The following LRRC4C variants were observed in gnomAD, a reference collection of about 807,000 sequenced individuals.
LRRC4C encodes the protein leucine rich repeat containing 4C.
LRRC4C carries 5 observed loss-of-function variants against 33.6 expected under a neutral mutation model. The ratio of observed to expected loss-of-function variants is 0.15; its 90% CI spans 0.08 to 0.31. The LOEUF is 0.31. Ranked by LOEUF, LRRC4C falls within the 10% of genes least tolerant of loss-of-function variation. LRRC4C has a pLI of 1.00. For missense variants in LRRC4C, 560 were observed against 796.7 expected (o/e 0.70, Z 3.58); for synonymous variants, 329 against 302.0 (o/e 1.09, Z -0.93).
At chr11:40,124,599 A>G (rs1856067616) in intron 6 of LRRC4C, among the ~76,000 whole-genome samples, 2 of 152,198 alleles carry the variant, frequency 1.3e-5, no homozygotes, top group South Asian at 4.1e-4. Context: ...GTGAGAGCTA[A>G]AAAGTAAAAC....
chr11:40,449,962 C>T (rs545853938), intron 3 of LRRC4C, among the ~76,000 whole-genome samples: 2 of 152,126 alleles, frequency 1.3e-5, no homozygotes, highest in East Asian at 3.9e-4. Context: ...TTGGCAATTA[C>T]GTTGGGTGTT....
chr11:40,505,781 C>G (rs1000559918), intron 3 of LRRC4C, among the ~76,000 whole-genome samples: 1 of 152,080 alleles, frequency 6.6e-6, no homozygotes, highest in Admixed American at 6.6e-5. Context: ...AATGGGAGCT[C>G]GAAGCCCAAT....
chr11:40,763,980 G>T (rs1261285842), intron 2 of LRRC4C, among the ~76,000 whole-genome samples: 1 of 152,150 alleles, frequency 6.6e-6, no homozygotes, highest in Non-Finnish European at 1.5e-5. Context: ...ACAAGCTGGG[G>T]TAGGAAAGGG....
At chr11:40,268,374 C>T (rs1279721465) in intron 4 of LRRC4C, among the ~76,000 whole-genome samples, 2 of 152,084 alleles carry the variant, frequency 1.3e-5, no homozygotes, top group East Asian at 3.9e-4. Context: ...TTGAAAAAAC[C>T]ATGATGCTTC....
chr11:40,372,607 G>T (rs1948497162), intron 3 of LRRC4C, among the ~76,000 whole-genome samples: 1 of 152,178 alleles, frequency 6.6e-6, no homozygotes, highest in Non-Finnish European at 1.5e-5. Context: ...GGCATATTTG[G>T]TGGGGAGGGG....
intron 3 of LRRC4C, among the ~76,000 whole-genome samples, chr11:40,326,306 G>A (rs1182099883): frequency 2.6e-5 from 4 of 152,092 alleles, no homozygotes; most frequent in Admixed American, 6.5e-5. Context: ...GCTCATGCCT[G>A]TAATCCCAGC....
intron 3 of LRRC4C, among the ~76,000 whole-genome samples, chr11:40,357,427 A>C (rs938536868): frequency 6.6e-6 from 1 of 152,110 alleles, no homozygotes; most frequent in Admixed American, 6.6e-5. Context: ...GAGAAAAAAG[A>C]ATTAATTGGT....
intron 2 of LRRC4C, among the ~76,000 whole-genome samples, chr11:40,666,072 A>C (rs145520532): frequency 1.0e-3 from 158 of 152,194 alleles, no homozygotes; most frequent in Non-Finnish European, 1.8e-3. Flanking sequence ...AATGGTAAAC[A>C]ATTAGATGCC....
intron 1 of LRRC4C, among the ~76,000 whole-genome samples, chr11:41,347,547 G>T (rs776065780): frequency 6.6e-6 from 1 of 152,068 alleles, no homozygotes; most frequent in Non-Finnish European, 1.5e-5. Flanking sequence ...AAATTTCAGA[G>T]AACTTTGTAG....
chr11:40,728,625 CAAAA>C (rs60355454), intron 2 of LRRC4C, among the ~76,000 whole-genome samples: 7 of 51,244 alleles, frequency 1.4e-4, no homozygotes, highest in Non-Finnish European at 2.2e-4. Flanking sequence ...GACTCCGTCT[CAAAA>C]AAAAAAAAAA....
rs555931825 is a variant in LRRC4C at position 40,474,365 on chromosome 11, A to T, written c.-269-154644T>A. Among the ~76,000 whole-genome samples, 6 of 152,292 alleles carry T rather than the reference A, an allele frequency of 3.9e-5. No individual in the cohort carries two copies. The East Asian group carries it at 1.2e-3, about 29-fold the overall frequency. ...CCTATTTAATAAATGGTGCTGGGAAAACTGGCTAGCCATATGCAGAAAACT... is the reference window on the plus strand; with the variant it reads ...CCTATTTAATAAATGGTGCTGGGAATACTGGCTAGCCATATGCAGAAAACT... On this transcript the variant is annotated intron_variant, in intron 3 of 6. Transcript: ENST00000528697.
At chr11:40,423,320 G>T (rs2137765106) in intron 3 of LRRC4C, among the ~76,000 whole-genome samples, 1 of 150,548 alleles carries the variant, frequency 6.6e-6, no homozygotes, top group African/African-American at 2.4e-5. Context: ...ATGTGAAAAG[G>T]AAGTCAGTTG....
chr11:40,885,704 T>A (rs888893289), intron 2 of LRRC4C, among the ~76,000 whole-genome samples: 1 of 152,102 alleles, frequency 6.6e-6, no homozygotes, highest in African/African-American at 2.4e-5. Context: ...TTGGAGTACA[T>A]ACACTCACCA....
chr11:41,411,946 C>T (rs1267731018), intron 1 of LRRC4C, among the ~76,000 whole-genome samples: 1 of 152,150 alleles, frequency 6.6e-6, no homozygotes, highest in Non-Finnish European at 1.5e-5. Flanking sequence ...CCACCCAAGA[C>T]ACTGAACTGG....
At chr11:41,059,915 C>T (rs1160993860) in intron 1 of LRRC4C, among the ~76,000 whole-genome samples, 4 of 152,106 alleles carry the variant, frequency 2.6e-5, no homozygotes, top group Non-Finnish European at 5.9e-5. Flanking sequence ...ATTCCAGCTA[C>T]TCGGGGGTCT....
intron 1 of LRRC4C, among the ~76,000 whole-genome samples, chr11:41,056,239 C>T (rs1858614929): frequency 1.3e-5 from 2 of 152,096 alleles, no homozygotes; most frequent in African/African-American, 4.8e-5. Context: ...TGACTCCAGC[C>T]CTCACAATCC....
intron 3 of LRRC4C, among the ~76,000 whole-genome samples, chr11:40,603,555 A>G (rs909874545): frequency 2.0e-5 from 3 of 152,226 alleles, no homozygotes; most frequent in African/African-American, 7.2e-5. Context: ...CTAAATGTCA[A>G]CACAGACTTG....
At position 40,587,583 on chromosome 11, in the gene LRRC4C, G is replaced by T. The variant is rs1194256391; in HGVS notation, c.-270+60559C>A. Reference sequence around the variant, plus strand: ...TTCAAAGGGAATGCTTCCAGTTTTTGCCCATTCAGTATGATATTGGCTGTG... The same window carrying T: ...TTCAAAGGGAATGCTTCCAGTTTTTTCCCATTCAGTATGATATTGGCTGTG... On this transcript the variant is annotated intron_variant, in intron 3 of 6. Coordinates refer to ENST00000528697, the MANE Select transcript of LRRC4C (RefSeq NM_001258419.2). Among the ~76,000 whole-genome samples, 72 of 144,984 alleles carry T rather than the reference G, an allele frequency of 5.0e-4. 1 individual carries two copies. In the South Asian group the frequency reaches 0.016, roughly 31 times the overall value.
chr11:40,396,622 T>C (rs111497957), intron 3 of LRRC4C, among the ~76,000 whole-genome samples: 6 of 152,196 alleles, frequency 3.9e-5, no homozygotes, highest in African/African-American at 1.4e-4. Context: ...GAGAAACCTA[T>C]TAGTAAAATC....
Sources: allele counts gnomAD v4.1 joint callset (sites outside exome capture counted in the v4.1 genomes callset), GRCh38; gene constraint gnomAD v4.1.1; transcripts MANE v1.5; gene names NCBI Gene and HGNC (gene_info 2026-07-23, HGNC 2026-07-21).